Variants in PRRX1 observed in about 807,000 individuals in gnomAD.
The protein encoded by PRRX1 is paired mesoderm homeobox protein 1.
PRRX1 carries 8 observed loss-of-function variants against 24.0 expected under a neutral mutation model. The ratio of observed to expected loss-of-function variants is 0.33; its 90% CI spans 0.20 to 0.60. The LOEUF is 0.60. PRRX1 is among the 20% of genes least tolerant of loss of function. PRRX1 has a pLI of 0.82. For synonymous variants in PRRX1, 160 were observed against 131.7 expected, an observed-to-expected ratio of 1.22 and a Z score of -1.47; for missense variants, 281 against 322.4, an observed-to-expected ratio of 0.87 and a Z score of 0.98.
intron 1 of PRRX1, chr1:170,668,909 GGAGGTGAAA>G: frequency 6.6e-6 from 1 of 152,262 alleles, no homozygotes; most frequent in South Asian, 2.1e-4. Flanking sequence ...TCTCTTTAGA[GGAGGTGAAA>G]TACAGGATTA....
intron 1 of PRRX1, among the ~76,000 whole-genome samples, chr1:170,707,066 G>C (rs1571336187): frequency 1.3e-5 from 2 of 152,038 alleles, no homozygotes; most frequent in East Asian, 3.9e-4. Flanking sequence ...TGAGGTTGGA[G>C]TGAGCTGTGA....
intron 1 of PRRX1, among the ~76,000 whole-genome samples, chr1:170,695,023 C>T (rs1375428273): frequency 6.6e-6 from 1 of 152,136 alleles, no homozygotes; most frequent in East Asian, 1.9e-4. Context: ...TCTGACCTTA[C>T]TTGTAGTTGC....
At chr1:170,678,258 G>A (rs1311568337) in intron 1 of PRRX1, among the ~76,000 whole-genome samples, 1 of 152,168 alleles carries the variant, frequency 6.6e-6, no homozygotes, top group African/African-American at 2.4e-5. Context: ...CATACAGATG[G>A]CACTTCTATA....
chr1:170,674,606 G>A (rs1571314565), intron 1 of PRRX1, among the ~76,000 whole-genome samples: 1 of 151,804 alleles, frequency 6.6e-6, no homozygotes, highest in East Asian at 1.9e-4. Flanking sequence ...AAGATTTAGA[G>A]ACTTTTGGGG....
rs1221790643 is a variant in PRRX1 at position 170,713,372 on chromosome 1, G to C, written c.242-6354G>C. The stretch of plus-strand genomic sequence containing the variant: ...CTTGCTTTGTGTTGGATATTCTCAG[G>C]GGTTCTGATCAATAATCCTTTAAGG... On this transcript the variant is annotated intron_variant, in intron 1 of 3. Coordinates refer to ENST00000239461, the MANE Select transcript of PRRX1 (RefSeq NM_022716.4). 2.6e-5 allele frequency among the ~76,000 whole-genome samples: 4 copies of C among 152,144 alleles called. No homozygotes were observed. The East Asian group carries it at 7.7e-4, about 29-fold the overall frequency.
Position 170,736,495 on chromosome 1 carries a change from C to G in PRRX1, c.*309C>G. On this transcript the variant is annotated 3_prime_UTR_variant, in exon 4 of 4. Transcript: ENST00000239461. ...TCTTCAGCTAGGTTCAGCCCACCCA[C>G]CCCCATGATTGTATGAAGTTTTAAA... is the stretch of plus-strand genomic sequence containing the variant. 1 of 400,450 alleles carries G rather than the reference C, an allele frequency of 2.5e-6. No homozygotes were observed. Among genetic ancestry groups the G allele is most frequent in the East Asian group, 4.3e-5 (1 of 23,382 alleles). 24.8% of individuals were successfully genotyped at this position (400,450 alleles called of 1,614,324 possible).
At chr1:170,732,546 C>G (rs1050499829) in intron 3 of PRRX1, among the ~76,000 whole-genome samples, 42 of 152,110 alleles carry the variant, frequency 2.8e-4, no homozygotes, top group African/African-American at 1.0e-3. Flanking sequence ...TGTATGGCAC[C>G]CTTAGCTCAA....
At chr1:170,718,113 G>C (rs1482178585) in intron 1 of PRRX1, among the ~76,000 whole-genome samples, 1 of 152,182 alleles carries the variant, frequency 6.6e-6, no homozygotes, top group African/African-American at 2.4e-5. Flanking sequence ...GAATCTGGTT[G>C]AGATCATCTG....
At chr1:170,687,520 G>A (rs937899624) in intron 1 of PRRX1, among the ~76,000 whole-genome samples, 2 of 152,062 alleles carry the variant, frequency 1.3e-5, no homozygotes, top group Admixed American at 6.6e-5. Context: ...CCCTTCTCCC[G>A]TCACTTAATT....
At chr1:170,688,469 A>G (rs537016662) in intron 1 of PRRX1, among the ~76,000 whole-genome samples, 15 of 152,106 alleles carry the variant, frequency 9.9e-5, no homozygotes, top group Non-Finnish European at 1.9e-4. Context: ...CTAACTTTTA[A>G]TATCCTTGAA....
intron 2 of PRRX1, chr1:170,722,574 A>T (rs1440970217): frequency 6.6e-6 from 1 of 152,198 alleles, no homozygotes; most frequent in Non-Finnish European, 1.5e-5. Flanking sequence ...TTAGTGATAG[A>T]CCAGAGGAAG....
At chr1:170,729,806 C>T (rs1452137105) in intron 3 of PRRX1, among the ~76,000 whole-genome samples, 1 of 152,144 alleles carries the variant, frequency 6.6e-6, no homozygotes. Flanking sequence ...CATCCGTGGC[C>T]AGTTAAAGGA....
At chr1:170,688,963 A>G (rs79511990) in intron 1 of PRRX1, among the ~76,000 whole-genome samples, 3,408 of 152,236 alleles carry the variant, frequency 0.022, 142 homozygotes, top group African/African-American at 0.078. Context: ...ATTGTTATCA[A>G]TATACATTAG....
intron 2 of PRRX1, chr1:170,722,612 G>A (rs1655125414): frequency 6.6e-6 from 1 of 152,172 alleles, no homozygotes; most frequent in Non-Finnish European, 1.5e-5. Flanking sequence ...TGGGGGAAAA[G>A]GGAGAGAATT....
intron 1 of PRRX1, among the ~76,000 whole-genome samples, chr1:170,664,809 A>G (rs1379169426): frequency 6.6e-6 from 1 of 152,180 alleles, no homozygotes; most frequent in African/African-American, 2.4e-5. Context: ...GGCTGGGAAA[A>G]GGTCTTAGCG....
At chr1:170,678,892 G>C (rs1653410374) in intron 1 of PRRX1, among the ~76,000 whole-genome samples, 1 of 152,132 alleles carries the variant, frequency 6.6e-6, no homozygotes, top group Non-Finnish European at 1.5e-5. Context: ...ATGAACTGAG[G>C]TTTCTCAAAA....
chr1:170,666,019 C>G (rs1652913980), intron 1 of PRRX1, among the ~76,000 whole-genome samples: 1 of 152,300 alleles, frequency 6.6e-6, no homozygotes, highest in South Asian at 2.1e-4. Context: ...AGGCTGCACC[C>G]GCAGCATTAC....
At chr1:170,712,042 T>C (rs1654768574) in intron 1 of PRRX1, among the ~76,000 whole-genome samples, 1 of 152,216 alleles carries the variant, frequency 6.6e-6, no homozygotes. Context: ...GCAAATAGGC[T>C]GGGAAATAAT....
At chr1:170,671,867 G>C (rs1370023450) in intron 1 of PRRX1, among the ~76,000 whole-genome samples, 1 of 152,166 alleles carries the variant, frequency 6.6e-6, no homozygotes, top group African/African-American at 2.4e-5. Context: ...CCATGGAGCT[G>C]TGTGGACTTT....
Sources: allele counts gnomAD v4.1 joint callset (sites outside exome capture counted in the v4.1 genomes callset), GRCh38; gene constraint gnomAD v4.1.1; transcripts MANE v1.5; gene names NCBI Gene and HGNC (gene_info 2026-07-23, HGNC 2026-07-21).